NPRL3: variants seen among roughly 807,000 people sequenced by gnomAD.
The protein encoded by NPRL3 is NPR3 like, GATOR1 complex subunit.
In NPRL3, 23 loss-of-function variants were observed where a neutral mutation model predicts 57.2. The ratio of observed to expected loss-of-function variants is 0.40; its 90% confidence interval spans 0.29 to 0.57. NPRL3 has a LOEUF of 0.57. Among genes scored for constraint, NPRL3 ranks in the 20% least tolerant of loss-of-function variants. NPRL3 has a pLI of 0.42. For synonymous variants in NPRL3, 333 were observed against 321.1 expected (o/e 1.04, Z -0.39); for missense variants, 691 against 767.1 (o/e 0.90, Z 1.17).
At chr16:118,667 G>C (rs1333815415) in intron 4 of NPRL3, among the ~76,000 whole-genome samples, 3 of 152,310 alleles carry the variant, frequency 2.0e-5, no homozygotes, top group African/African-American at 7.2e-5. Context: ...GGACTCTCTG[G>C]GTTTATGAAG....
At chr16:95,348 T>TATATACAC (rs1555440551) in intron 9 of NPRL3, among the ~76,000 whole-genome samples, 1 of 45,008 alleles carries the variant, frequency 2.2e-5, no homozygotes, top group African/African-American at 4.9e-5. Context: ...TATATATATA[T>TATATACAC]ATACACACAC....
chr16:93,220 G>C lies in NPRL3; in HGVS notation c.1030C>G (p.Leu344Val). 2 of 1,547,274 alleles carry C rather than the reference G, an allele frequency of 1.3e-6. No individual in the cohort carries two copies. The highest frequency in any genetic ancestry group is 2.4e-5 in the East Asian group (1 of 41,052). ...YMLSPNASVCLYSPLAEQFSH... is the reference protein window; with the variant it reads ...YMLSPNASVCVYSPLAEQFSH... ...GCTCTGGCAGCCAGCAGCACTCACAGACATACGCTGGCATTGGGAGACAGC... is the reference window on the plus strand; with the variant it reads ...GCTCTGGCAGCCAGCAGCACTCACACACATACGCTGGCATTGGGAGACAGC... Residue 344 changes from leucine to valine, a missense_variant and splice_region_variant, in exon 10 of 14, where the codon CTG becomes GTG. Coordinates refer to ENST00000611875, the MANE Select transcript of NPRL3 (RefSeq NM_001077350.3).
intron 4 of NPRL3, 36 bp from the exon 5 acceptor site, chr16:117,411 A>G (rs925838739): frequency 1.4e-6 from 2 of 1,462,830 alleles, no homozygotes; most frequent in Non-Finnish European, 1.9e-6. Context: ...AATTGAGACG[A>G]CTTTCTAAGG....
rs532517992 is a variant in NPRL3, at chr16:131,071, G to A, written c.119-480C>T. Among the ~76,000 whole-genome samples the A allele has an allele frequency of 3.3e-5, 5 of 152,366 alleles. No homozygotes were observed. The South Asian group carries it at 8.3e-4, about 25-fold the overall frequency. On this transcript the variant is annotated intron_variant, in intron 2 of 13. Coordinates refer to ENST00000611875, the MANE Select transcript of NPRL3 (RefSeq NM_001077350.3). ...AAACAGTGATAAGGCACGGTGGCCCGTGCCTGTAATCCCAACCCTTTAGGA... is the reference window on the plus strand; with the variant it reads ...AAACAGTGATAAGGCACGGTGGCCCATGCCTGTAATCCCAACCCTTTAGGA...
Position 138,348 on chromosome 16 carries a change from A to C in NPRL3, c.-67-14T>G. ...GGCGGAGGGGGCCTGAGGAGGACGG[A>C]GCCGGAGGCGGAGGGGGCCTGAGGA... On this transcript the variant is annotated splice_polypyrimidine_tract_variant and intron_variant, in intron 1 of 13. Coordinates refer to ENST00000611875, the MANE Select transcript of NPRL3 (RefSeq NM_001077350.3). The C allele has an allele frequency of 5.9e-6, 3 of 506,048 alleles. No homozygotes were observed. The East Asian group carries it at 2.2e-4, about 38-fold the overall frequency. 31.3% of individuals were successfully genotyped at this position (506,048 alleles called of 1,614,324 possible).
intron 9 of NPRL3, among the ~76,000 whole-genome samples, chr16:97,030 A>C (rs1283289795): frequency 6.6e-6 from 1 of 152,200 alleles, no homozygotes; most frequent in East Asian, 1.9e-4. Context: ...AGGCGGGCCC[A>C]CCTCACGCCT....
At chr16:104,126 CAAA>C (rs199846582) in intron 7 of NPRL3, among the ~76,000 whole-genome samples, 4 of 95,340 alleles carry the variant, frequency 4.2e-5, no homozygotes, top group East Asian at 3.0e-4. Flanking sequence ...AACTCCATCT[CAAA>C]AAAAAAAAAA....
intron 3 of NPRL3, among the ~76,000 whole-genome samples, chr16:124,241 CAA>C (rs2141969632): frequency 6.6e-6 from 1 of 152,290 alleles, no homozygotes; most frequent in South Asian, 2.1e-4. Flanking sequence ...TGGGCAGGAA[CAA>C]AAGTCATTTT....
intron 5 of NPRL3, among the ~76,000 whole-genome samples, chr16:113,594 T>C (rs1242693140): frequency 6.6e-6 from 1 of 152,032 alleles, no homozygotes; most frequent in African/African-American, 2.4e-5. Flanking sequence ...GTGAAAACAC[T>C]TGAGGGAGCA....
chr16:90,165 A>T (rs1436568257), intron 11 of NPRL3: 4 of 455,562 alleles, frequency 8.8e-6, no homozygotes, highest in Non-Finnish European at 1.5e-5. Flanking sequence ...GCCACCCAGC[A>T]TCTGGCTGAG....
At chr16:103,295 G>GGTTTTT (rs1331235205) in intron 7 of NPRL3, among the ~76,000 whole-genome samples, 1 of 15,894 alleles carries the variant, frequency 6.3e-5, no homozygotes. Flanking sequence ...CGCCTGGGGT[G>GGTTTTT]ATTTTTTTTT....
At chr16:111,435 T>C (rs1448639166) in intron 6 of NPRL3, among the ~76,000 whole-genome samples, 2 of 151,820 alleles carry the variant, frequency 1.3e-5, no homozygotes, top group Admixed American at 1.3e-4. Context: ...CTGTCAAAAT[T>C]TATTTTATTT....
chr16:125,092 A>AC (rs998945897), intron 3 of NPRL3: 3 of 165,340 alleles, frequency 1.8e-5, no homozygotes, highest in African/African-American at 7.2e-5. Context: ...AAAAAAAAAA[A>AC]AAAAACCTTT....
In NPRL3 at chr16:87,566, C is replaced by G. The variant is rs138616089; in HGVS notation, c.1545-696G>C. On this transcript the variant is annotated intron_variant, in intron 13 of 13. Coordinates refer to ENST00000611875, the MANE Select transcript of NPRL3 (RefSeq NM_001077350.3). ...TTTTTTTTTTTGAGACGGAGTCTCG[C>G]TCTGCTGCCCAGGCTGGAGGTGCAG... Among the ~76,000 whole-genome samples, 688 of 146,086 alleles carry G rather than the reference C, an allele frequency of 4.7e-3. 7 individuals carry two copies. Among genetic ancestry groups the G allele is most frequent in the African/African-American group, 0.016 (651 of 39,622 alleles).
chr16:88,650 C>G (rs1898608162), intron 13 of NPRL3, 48 bp downstream of exon 13: 1 of 1,537,016 alleles, frequency 6.5e-7, no homozygotes, highest in South Asian at 1.2e-5. Context: ...CACTTTCTGC[C>G]CTGACCCTGC....
intron 5 of NPRL3, among the ~76,000 whole-genome samples, chr16:116,968 C>G (rs1900069560): frequency 1.8e-5 from 1 of 56,108 alleles, no homozygotes; most frequent in East Asian, 3.5e-4. Flanking sequence ...CAGCGAGATT[C>G]TGTCTCAAAA....
chr16:137,920 A>G (rs1002316701), intron 2 of NPRL3, among the ~76,000 whole-genome samples: 2 of 151,754 alleles, frequency 1.3e-5, no homozygotes, highest in African/African-American at 4.8e-5. Flanking sequence ...ATTTTACTTT[A>G]TTTTTTAAAG....
chr16:93,650 T>C (rs1898863675), intron 9 of NPRL3, among the ~76,000 whole-genome samples: 1 of 151,544 alleles, frequency 6.6e-6, no homozygotes, highest in Admixed American at 6.6e-5. Flanking sequence ...CTGCAACCTC[T>C]TGCCTCCCAG....
At position 103,296 on chromosome 16, in the gene NPRL3, A is replaced by ATTTTTTTTTTTTTTTTTTTTT. The variant is rs533871530; in HGVS notation, c.630-2808_630-2788dup. ...GACGTGCAACATCACGCCTGGGGTG[A>ATTTTTTTTTTTTTTTTTTTTT]TTTTTTTTTTTTTTTTTTTTTTTTT... On this transcript the variant is annotated intron_variant, in intron 7 of 13. Coordinates refer to ENST00000611875, the MANE Select transcript of NPRL3 (RefSeq NM_001077350.3). 1.0e-3 allele frequency among the ~76,000 whole-genome samples: 42 copies of ATTTTTTTTTTTTTTTTTTTTT among 42,126 alleles called. 11 individuals carry two copies. Among genetic ancestry groups the ATTTTTTTTTTTTTTTTTTTTT allele is most frequent in the Non-Finnish European group, 1.0e-3 (25 of 24,112 alleles). 27.6% of individuals were successfully genotyped at this position (42,126 alleles called of 152,430 possible). A position where few individuals can be genotyped will look rare whatever the true frequency, so the allele number is the denominator to read the frequency against.
Sources: allele counts gnomAD v4.1 joint callset (sites outside exome capture counted in the v4.1 genomes callset), GRCh38; gene constraint gnomAD v4.1.1; transcripts MANE v1.5; gene names NCBI Gene and HGNC (gene_info 2026-07-23, HGNC 2026-07-21).